Variants in GDPGP1 observed in about 807,000 individuals in gnomAD.
GDPGP1 encodes GDP-D-glucose phosphorylase C15orf58.
Under a neutral mutation model 19.2 loss-of-function variants are expected in GDPGP1, and 18 were observed. The ratio of observed to expected loss-of-function variants is 0.94; its 90% CI spans 0.65 to 1.39. The LOEUF (loss-of-function observed/expected upper bound fraction) is 1.39, where lower values mean the gene tolerates loss of function less well. Among genes scored for constraint, GDPGP1 ranks in the 40% most tolerant of loss-of-function variants. The probability of loss-of-function intolerance (pLI) is 0.00; values close to 1 mark genes in which losing one functional copy is unlikely to be tolerated. For synonymous variants in GDPGP1, 219 were observed against 208.9 expected (o/e 1.05, Z -0.42); for missense variants, 449 against 490.5 (o/e 0.92, Z 0.80).
Position 90,240,826 on chromosome 15 carries a change from A to T in GDPGP1, c.-9-74A>T, listed in dbSNP as rs528766994. 2.8e-5 allele frequency: 27 copies of T among 972,416 alleles called. 1 individual carries two copies. The highest frequency in any genetic ancestry group is 1.2e-4 in the African/African-American group (7 of 57,576). The allele number at this position is 972,416 out of a possible 1,614,324, so 60.2% of individuals were successfully genotyped here. On this transcript the variant is annotated intron_variant, in intron 3 of 3. Coordinates refer to ENST00000329600, the MANE Select transcript of GDPGP1 (RefSeq NM_001013657.3). ...GAGACTCCATCTCAAAAAAAAAAAT[A>T]AATAAATAAATACAATGACAATCTC...
intron 2 of GDPGP1, among the ~76,000 whole-genome samples, chr15:90,236,528 C>T (rs1440660501): frequency 6.6e-6 from 1 of 152,134 alleles, no homozygotes; most frequent in Non-Finnish European, 1.5e-5. Context: ...TGGCATATTT[C>T]TCATTGTAAA....
Position 90,241,942 on chromosome 15 carries a change from AGG to A in GDPGP1, c.1035_1036del (p.Asp346LeufsTer56). 6.2e-7 allele frequency: 1 copy of A among 1,614,152 alleles called. No individual in the cohort carries two copies. Among genetic ancestry groups the A allele is most frequent in the African/African-American group, 1.3e-5 (1 of 75,040 alleles). ...GGGCACCTCCCTGTCAAAACATCCCAGGACTTCAGCAGCCTGACAGAGGCAGC... is the reference window on the plus strand; with the variant it reads ...GGGCACCTCCCTGTCAAAACATCCCAACTTCAGCAGCCTGACAGAGGCAGC... On this transcript the variant is annotated frameshift_variant, in exon 4 of 4. Coordinates refer to ENST00000329600, the MANE Select transcript of GDPGP1 (RefSeq NM_001013657.3). LOFTEE classifies it high-confidence loss of function.
In GDPGP1 at chr15:90,241,119, G is replaced by T; in HGVS notation, c.211G>T (p.Val71Leu). ...ACTCTGCTCTGCCTGGAAGCAGCGG[G>T]TGGAGCTGGGGCTGTTTCGCTACCG... Reference protein sequence around the residue: ...AALCSAWKQRVELGLFRYRLR... With the variant: ...AALCSAWKQRLELGLFRYRLR... Residue 71 changes from valine to leucine, a missense_variant, in exon 4 of 4, where the codon GTG becomes TTG. Transcript: ENST00000329600. 1 of 1,614,176 alleles carries T rather than the reference G, an allele frequency of 6.2e-7. No individual in the cohort carries two copies. Among genetic ancestry groups the T allele is most frequent in the Non-Finnish European group, 8.5e-7 (1 of 1,180,000 alleles).
intron 2 of GDPGP1, among the ~76,000 whole-genome samples, chr15:90,236,356 G>T (rs1346975428): frequency 6.6e-6 from 1 of 152,122 alleles, no homozygotes; most frequent in African/African-American, 2.4e-5. Flanking sequence ...TCTTTATAGT[G>T]AAGACATGAG....
rs141382444 is a variant in GDPGP1 at position 90,241,785 on chromosome 15, C to T, written c.877C>T (p.Arg293Trp). 29 of 1,614,086 alleles carry T rather than the reference C, an allele frequency of 1.8e-5. No homozygotes were observed. Among genetic ancestry groups the T allele is most frequent in the East Asian group, 2.2e-5 (1 of 44,892 alleles). Residue 293 changes from arginine to tryptophan, a missense_variant, in exon 4 of 4, where the codon CGG becomes TGG. Arg to Trp is a moderately radical substitution (Grantham distance 101). Coordinates refer to ENST00000329600, the MANE Select transcript of GDPGP1 (RefSeq NM_001013657.3). The stretch of plus-strand genomic sequence containing the variant: ...GATTGCTCATAACTTGTTTGTCACC[C>T]GGGGAGCTCCGCCGGGAAAGACATC... ...HEIAHNLFVT[R>W]GAPPGKTSPS...
chr15:90,240,820 AAAAAT>A, intron 3 of GDPGP1, 75 bp from the exon 4 acceptor site: 2 of 958,826 alleles, frequency 2.1e-6, no homozygotes, highest in South Asian at 1.7e-5. Flanking sequence ...TCTCAAAAAA[AAAAAT>A]AAATAAATAA....
intron 2 of GDPGP1, among the ~76,000 whole-genome samples, chr15:90,235,872 A>G (rs1339858895): frequency 6.6e-6 from 1 of 151,722 alleles, no homozygotes; most frequent in Non-Finnish European, 1.5e-5. Context: ...CCGGCCGATC[A>G]TTTTTCTCTT....
chr15:90,238,864 A>C (rs2063738), intron 3 of GDPGP1, among the ~76,000 whole-genome samples: 75,080 of 151,956 alleles, frequency 0.49, 19,309 homozygotes, highest in East Asian at 0.69. Flanking sequence ...TGGTGTGTAT[A>C]AAAAATCTGA....
rs71151576 is a variant in GDPGP1, at chr15:90,242,431, CTTTT to C, written c.*393_*396del. ...TGAGCCCCTGGATTCTTTTCTGTTT[CTTTT>C]TTTTTTTTTTTTTTTTTTTTTTTTT... On this transcript the variant is annotated 3_prime_UTR_variant, in exon 4 of 4. Transcript: ENST00000329600. 5.5e-4 allele frequency: 36 copies of C among 65,516 alleles called. No individual in the cohort carries two copies. The highest frequency in any genetic ancestry group is 1.0e-3 in the African/African-American group (18 of 17,352). 4.1% of individuals were successfully genotyped at this position (65,516 alleles called of 1,614,324 possible).
rs888625210 is a variant in GDPGP1 at position 90,244,610 on chromosome 15, G to C, written c.*2544G>C. ...GGAAGCCGAGGCAGGCAAATCACTTGTCAGGAGTTCGAGACCAGCCTGGCC... is the reference window on the plus strand; with the variant it reads ...GGAAGCCGAGGCAGGCAAATCACTTCTCAGGAGTTCGAGACCAGCCTGGCC... On this transcript the variant is annotated 3_prime_UTR_variant, in exon 4 of 4. Coordinates refer to ENST00000329600, the MANE Select transcript of GDPGP1 (RefSeq NM_001013657.3). 6.6e-6 allele frequency: 1 copy of C among 152,144 alleles called. No individual in the cohort carries two copies. Among genetic ancestry groups the C allele is most frequent in the Non-Finnish European group, 1.5e-5 (1 of 68,046 alleles). The allele number at this position is 152,144 out of a possible 1,614,324, so 9.4% of individuals were successfully genotyped here.
At chr15:90,234,930 G>A (rs1038972877) in intron 2 of GDPGP1, among the ~76,000 whole-genome samples, 1 of 152,214 alleles carries the variant, frequency 6.6e-6, no homozygotes, top group Non-Finnish European at 1.5e-5. Flanking sequence ...GGAAGTGGAG[G>A]TTGTGTTGGT....
At chr15:90,238,603 C>G (rs1179430264) in intron 3 of GDPGP1, 55 bp downstream of exon 3, 1 of 152,226 alleles carries the variant, frequency 6.6e-6, no homozygotes, top group African/African-American at 2.4e-5. Context: ...CTCTCCCTGA[C>G]AGTGCTGGGT....
Position 90,240,820 on chromosome 15 carries a change from A to AG in GDPGP1, c.-9-80_-9-79insG. 4 of 958,840 alleles carry AG rather than the reference A, an allele frequency of 4.2e-6. No homozygotes were observed. In the South Asian group the frequency reaches 6.8e-5, roughly 16 times the overall value. The allele number at this position is 958,840 out of a possible 1,614,324, so 59.4% of individuals were successfully genotyped here. ...CAGAGTGAGACTCCATCTCAAAAAA[A>AG]AAAATAAATAAATAAATACAATGAC... On this transcript the variant is annotated intron_variant, in intron 3 of 3. Transcript: ENST00000329600.
In GDPGP1 at chr15:90,242,132, G is replaced by A. The variant is rs2151640871; in HGVS notation, c.*66G>A. The A allele has an allele frequency of 1.5e-5, 20 of 1,342,746 alleles. 1 individual carries two copies. In the South Asian group the frequency reaches 2.6e-4, roughly 17 times the overall value. The allele number at this position is 1,342,746 out of a possible 1,614,324, so 83.2% of individuals were successfully genotyped here. A position where few individuals can be genotyped will look rare whatever the true frequency, so the allele number is the denominator to read the frequency against. ...GAGATAGGGTCTCACTCTGTCCCCA[G>A]GCTAGAGTGTAGTGGTATGATCCTG... On this transcript the variant is annotated 3_prime_UTR_variant, in exon 4 of 4. Transcript: ENST00000329600.
At chr15:90,240,869 C>A in intron 3 of GDPGP1, 31 bp from the exon 4 acceptor site, 1 of 1,374,962 alleles carries the variant, frequency 7.3e-7, no homozygotes, top group South Asian at 1.2e-5. Flanking sequence ...GGGTTACCAT[C>A]ATGTGTTTTC....
chr15:90,234,914 G>A (rs1019504180), intron 2 of GDPGP1, among the ~76,000 whole-genome samples: 5 of 152,216 alleles, frequency 3.3e-5, no homozygotes, highest in Non-Finnish European at 7.3e-5. Context: ...CAAACTGCTG[G>A]GAGGAGGAAG....
Position 90,245,036 on chromosome 15 carries a change from CT to C in GDPGP1, c.*2972del, listed in dbSNP as rs1962835657. ...CCCAAACTGTGGGTCCTAGCCCTGGCTTAGGCCTTCAGGTCGTTGGCTCCCT... is the reference window on the plus strand; with the variant it reads ...CCCAAACTGTGGGTCCTAGCCCTGGCTAGGCCTTCAGGTCGTTGGCTCCCT... On this transcript the variant is annotated 3_prime_UTR_variant, in exon 4 of 4. Transcript: ENST00000329600. 6.6e-6 allele frequency: 1 copy of C among 152,222 alleles called. No homozygotes were observed. The highest frequency in any genetic ancestry group is 1.5e-5 in the Non-Finnish European group (1 of 68,062). 9.4% of individuals were successfully genotyped at this position (152,222 alleles called of 1,614,324 possible). A position where few individuals can be genotyped will look rare whatever the true frequency, so the allele number is the denominator to read the frequency against.
In GDPGP1 at chr15:90,241,916, T is replaced by C; in HGVS notation, c.1008T>C (p.Ala336=). The C allele has an allele frequency of 6.2e-7, 1 of 1,614,144 alleles. No homozygotes were observed. Among genetic ancestry groups the C allele is most frequent in the Non-Finnish European group, 8.5e-7 (1 of 1,180,030 alleles). ...TCAATGTTGCCCTCTGTGAGCTGGC[T>C]GGGCACCTCCCTGTCAAAACATCCC... ...EAFNVALCEL[A]GHLPVKTSQD... The change falls in exon 4 of 4, where the codon GCT becomes GCC. Residue 336 remains alanine (A), a synonymous_variant. Coordinates refer to ENST00000329600, the MANE Select transcript of GDPGP1 (RefSeq NM_001013657.3).
Position 90,242,253 on chromosome 15 carries a change from CTTTTTTT to C in GDPGP1, c.*206_*212del, listed in dbSNP as rs141541505. On this transcript the variant is annotated 3_prime_UTR_variant, in exon 4 of 4. Transcript: ENST00000329600. Reference sequence around the variant, plus strand: ...TAGGCGTGCACCACCACACACCTGGCTTTTTTTTTTTTTTTTTTTTTTTTTAACGATT... The same window carrying C: ...TAGGCGTGCACCACCACACACCTGGCTTTTTTTTTTTTTTTTTTAACGATT... 3,016 of 88,968 alleles carry C rather than the reference CTTTTTTT, an allele frequency of 0.034. 2 individuals are homozygous for C. Among genetic ancestry groups the C allele is most frequent in the Middle Eastern group, 0.1 (22 of 218 alleles). 5.5% of individuals were successfully genotyped at this position (88,968 alleles called of 1,614,324 possible).
Sources: allele counts gnomAD v4.1 joint callset (sites outside exome capture counted in the v4.1 genomes callset), GRCh38; gene constraint gnomAD v4.1.1; transcripts MANE v1.5; gene names NCBI Gene and HGNC (gene_info 2026-07-23, HGNC 2026-07-21).